TTC28: variants seen among roughly 807,000 people sequenced by gnomAD.
TTC28 encodes the protein tetratricopeptide repeat domain 28, also known as tetratricopeptide repeat protein 28.
TTC28 carries 61 observed loss-of-function variants against 198.0 expected under a neutral mutation model. That is an observed-to-expected ratio of 0.31 (90% CI 0.25 to 0.38). The LOEUF (loss-of-function observed/expected upper bound fraction) is 0.38, where lower values mean the gene tolerates loss of function less well. Ranked by LOEUF, TTC28 falls within the 10% of genes least tolerant of loss-of-function variation. The probability of loss-of-function intolerance (pLI) is 1.00; values close to 1 mark genes in which losing one functional copy is unlikely to be tolerated. For synonymous variants in TTC28, 1,171 were observed against 1,297.8 expected, an observed-to-expected ratio of 0.90 and a Z score of 2.10; for missense variants, 2,678 against 3,164.0, an observed-to-expected ratio of 0.85 and a Z score of 3.69.
chr22:28,513,406 T>C (rs935971491), intron 2 of TTC28, among the ~76,000 whole-genome samples: 3 of 152,178 alleles, frequency 2.0e-5, no homozygotes, highest in Non-Finnish European at 2.9e-5. Context: ...TGACTTTTTC[T>C]AATCCAAAAA....
At chr22:28,414,198 T>C (rs1380612276) in intron 2 of TTC28, among the ~76,000 whole-genome samples, 4 of 152,166 alleles carry the variant, frequency 2.6e-5, no homozygotes, top group Admixed American at 1.3e-4. Context: ...TCTGGCTTGA[T>C]CTCCTTTGGT....
intron 18 of TTC28, 129 bp downstream of exon 18, chr22:27,993,158 T>C (rs1426868537): frequency 2.4e-6 from 2 of 843,786 alleles, no homozygotes; most frequent in African/African-American, 1.7e-5. Context: ...CCCCCTGCCA[T>C]TTCTCAGGAC....
chr22:28,411,090 T>A (rs1243150779), intron 2 of TTC28, among the ~76,000 whole-genome samples: 1 of 152,196 alleles, frequency 6.6e-6, no homozygotes, highest in South Asian at 2.1e-4. Context: ...TAAGTTCTCT[T>A]GCTAAACAGG....
intron 2 of TTC28, among the ~76,000 whole-genome samples, chr22:28,333,747 A>G (rs1002736671): frequency 4.6e-5 from 7 of 152,068 alleles, no homozygotes; most frequent in Non-Finnish European, 7.4e-5. Context: ...TTAATCACTT[A>G]CTTTGTTAAT....
chr22:28,043,549 G>A (rs1939748403), intron 12 of TTC28, among the ~76,000 whole-genome samples: 1 of 152,084 alleles, frequency 6.6e-6, no homozygotes, highest in Admixed American at 6.5e-5. Context: ...GAGGTCTGCA[G>A]CGGGAGGTGC....
chr22:28,208,807 G>C (rs1380872067), intron 5 of TTC28, among the ~76,000 whole-genome samples: 1 of 152,052 alleles, frequency 6.6e-6, no homozygotes, highest in Non-Finnish European at 1.5e-5. Flanking sequence ...AGAAATGATA[G>C]ATCTGAAACC....
At chr22:28,090,969 C>G (rs998819169) in intron 12 of TTC28, among the ~76,000 whole-genome samples, 6 of 152,174 alleles carry the variant, frequency 3.9e-5, no homozygotes, top group Non-Finnish European at 7.4e-5. Context: ...AGGGGAAGAT[C>G]TAGGCTACTG....
intron 2 of TTC28, among the ~76,000 whole-genome samples, chr22:28,309,639 A>C (rs1452164545): frequency 6.6e-6 from 1 of 152,222 alleles, no homozygotes; most frequent in Admixed American, 6.5e-5. Context: ...GGAGAGGTAC[A>C]AACTTATATA....
At chr22:28,091,587 G>A (rs547383786) in intron 12 of TTC28, among the ~76,000 whole-genome samples, 6 of 152,230 alleles carry the variant, frequency 3.9e-5, no homozygotes, top group South Asian at 2.1e-4. Context: ...TAATACTATC[G>A]AAAGGAGGGA....
At chr22:28,530,204 G>C (rs1488702594) in intron 2 of TTC28, among the ~76,000 whole-genome samples, 3 of 152,178 alleles carry the variant, frequency 2.0e-5, no homozygotes, top group African/African-American at 7.2e-5. Flanking sequence ...ACAGCGTAGA[G>C]AAGATGTTAA....
At chr22:28,409,353 A>AT (rs1555989437) in intron 2 of TTC28, among the ~76,000 whole-genome samples, 1 of 152,168 alleles carries the variant, frequency 6.6e-6, no homozygotes, top group Non-Finnish European at 1.5e-5. Context: ...CCTACAATCC[A>AT]GAGCTGACTA....
chr22:28,106,286 A>C (rs914641485), intron 7 of TTC28, among the ~76,000 whole-genome samples: 5 of 152,146 alleles, frequency 3.3e-5, no homozygotes, highest in African/African-American at 1.2e-4. Flanking sequence ...GGGGCCATAT[A>C]TCCTGCAGAC....
intron 12 of TTC28, among the ~76,000 whole-genome samples, chr22:28,071,825 G>A (rs1379460335): frequency 6.6e-6 from 1 of 150,474 alleles, no homozygotes; most frequent in African/African-American, 2.4e-5. Context: ...TTTTGGAAGT[G>A]ACAGATCCTT....
At chr22:28,675,676 C>G (rs1464019977) in intron 1 of TTC28, among the ~76,000 whole-genome samples, 1 of 150,922 alleles carries the variant, frequency 6.6e-6, no homozygotes, top group African/African-American at 2.4e-5. Context: ...GAGGTCCAGG[C>G]TGCAGTGAGC....
intron 2 of TTC28, among the ~76,000 whole-genome samples, chr22:28,401,230 G>A (rs1440611038): frequency 7.9e-5 from 12 of 152,030 alleles, no homozygotes; most frequent in East Asian, 3.9e-4. Context: ...TGACGACGAC[G>A]ATGACGACGA....
At chr22:28,636,127 AT>A (rs71316851) in intron 1 of TTC28, among the ~76,000 whole-genome samples, 697 of 65,614 alleles carry the variant, frequency 0.011, 1 homozygote, top group African/African-American at 0.043. Context: ...AAATGTCAGG[AT>A]TTTTTTTTTT....
chr22:28,591,024 CACACACACACACACACATATATATAT>C (rs1404487027), intron 2 of TTC28, among the ~76,000 whole-genome samples: 1 of 74,540 alleles, frequency 1.3e-5, no homozygotes, highest in African/African-American at 5.3e-5. Context: ...CACACACACA[CACACACACACACACACATATATATAT>C]ATATATATAT....
intron 1 of TTC28, among the ~76,000 whole-genome samples, chr22:28,635,241 A>T (rs1240909517): frequency 2.6e-5 from 4 of 152,154 alleles, no homozygotes. Flanking sequence ...GAATGGCATG[A>T]ACCCGGGAGG....
At chr22:28,306,664 A>C (rs1378456525) in intron 2 of TTC28, 21 bp from the exon 3 acceptor site, 8 of 1,550,438 alleles carry the variant, frequency 5.2e-6, no homozygotes, top group Non-Finnish European at 6.1e-6. Context: ...AAGATATATA[A>C]GATATATAAT....
Sources: gnomAD v4.1 joint callset for allele counts (sites outside exome capture counted in the v4.1 genomes callset) on GRCh38, gnomAD v4.1.1 for gene constraint, MANE v1.5 for transcripts, NCBI Gene and HGNC (gene_info 2026-07-23, HGNC 2026-07-21) for gene names.